SLIT3: variants seen among roughly 807,000 people sequenced by gnomAD.
SLIT3 encodes the protein slit homolog 3 protein.
In SLIT3, 68 loss-of-function variants were observed where a neutral mutation model predicts 184.0. The observed-to-expected ratio is 0.37, with a 90% CI of 0.30 to 0.45. SLIT3 has a LOEUF of 0.45. Ranked by LOEUF, SLIT3 falls within the 20% of genes least tolerant of loss-of-function variation. The probability of loss-of-function intolerance (pLI) is 1.00; values close to 1 mark genes in which losing one functional copy is unlikely to be tolerated. For missense variants in SLIT3, 1,707 were observed against 2,026.0 expected (o/e 0.84, Z 3.02); for synonymous variants, 831 against 828.6 (o/e 1.00, Z -0.05).
At chr5:169,166,449 G>C (rs771958561) in intron 4 of SLIT3, among the ~76,000 whole-genome samples, 1 of 152,146 alleles carries the variant, frequency 6.6e-6, no homozygotes, top group Non-Finnish European at 1.5e-5. Context: ...GAAACAGCGA[G>C]AGTCCCAGAG....
chr5:168,666,615 A>G lies in SLIT3; in HGVS notation c.4411T>C (p.Ser1471Pro). Residue 1471 changes from serine (S) to proline (P), a missense_variant, in exon 36 of 36, where the codon TCC becomes CCC. Transcript: ENST00000519560. ...QKGYASCATA[S>P]KVPIMECRGG... ...CGACATTCCATGATGGGCACCTTGG[A>G]GGCTGTGGCACATGATGCATAACCT... 6.2e-7 allele frequency: 1 copy of G among 1,614,152 alleles called. No individual in the cohort carries two copies. The highest frequency in any genetic ancestry group is 8.5e-7 in the Non-Finnish European group (1 of 1,180,018).
intron 1 of SLIT3, among the ~76,000 whole-genome samples, chr5:169,269,306 C>T (rs10462983): frequency 0.065 from 9,870 of 152,346 alleles, 531 homozygotes; most frequent in Admixed American, 0.18. Context: ...TCCACGCAAC[C>T]GGCCTTGGCC....
At chr5:169,156,246 A>G (rs552077558) in intron 4 of SLIT3, among the ~76,000 whole-genome samples, 1 of 152,298 alleles carries the variant, frequency 6.6e-6, no homozygotes, top group East Asian at 1.9e-4. Context: ...TGAGAAATCA[A>G]TACAGTGGAG....
At chr5:169,089,415 G>C (rs560853014) in intron 4 of SLIT3, among the ~76,000 whole-genome samples, 1 of 152,184 alleles carries the variant, frequency 6.6e-6, no homozygotes, top group Non-Finnish European at 1.5e-5. Flanking sequence ...TCCAAGGCAG[G>C]GTTAGCAGGG....
At chr5:169,006,603 T>TCA (rs1440403006) in intron 4 of SLIT3, among the ~76,000 whole-genome samples, 208 of 148,642 alleles carry the variant, frequency 1.4e-3, no homozygotes, top group Middle Eastern at 3.4e-3. Flanking sequence ...TCTCTCTCTC[T>TCA]CTCACACACA....
intron 4 of SLIT3, among the ~76,000 whole-genome samples, chr5:168,967,243 A>G (rs1763229843): frequency 6.6e-6 from 1 of 151,974 alleles, no homozygotes; most frequent in African/African-American, 2.4e-5. Flanking sequence ...TGTGTATATA[A>G]GAGAGACACA....
intron 20 of SLIT3, among the ~76,000 whole-genome samples, chr5:168,740,161 A>G (rs1444656705): frequency 6.6e-6 from 1 of 152,178 alleles, no homozygotes; most frequent in East Asian, 1.9e-4. Context: ...GCATGAGCAC[A>G]GGATTTGGGG....
At chr5:168,777,233 T>C (rs559155303) in intron 12 of SLIT3, among the ~76,000 whole-genome samples, 17 of 152,112 alleles carry the variant, frequency 1.1e-4, no homozygotes, top group Admixed American at 6.5e-4. Context: ...ATAGGACATA[T>C]GCTCTCTATT....
chr5:168,830,376 T>C (rs1046110964), intron 6 of SLIT3, among the ~76,000 whole-genome samples: 2 of 152,176 alleles, frequency 1.3e-5, no homozygotes, highest in Admixed American at 6.5e-5. Context: ...ACTGCTCTAA[T>C]GTGCCTGGGG....
intron 4 of SLIT3, among the ~76,000 whole-genome samples, chr5:168,954,114 G>C (rs1258891551): frequency 1.3e-5 from 2 of 152,116 alleles, no homozygotes; most frequent in African/African-American, 4.8e-5. Flanking sequence ...CAAGCGTCGG[G>C]AGGAAGGAGG....
Position 168,666,083 on chromosome 5 carries a change from T to G in SLIT3, c.*371A>C, listed in dbSNP as rs1761028744. ...CATCTTCCTCCTTCCTCAGACAGGC[T>G]ATCATTCTTTATTCTTATCCTTTTG... is the stretch of plus-strand genomic sequence containing the variant. On this transcript the variant is annotated 3_prime_UTR_variant, in exon 36 of 36. Transcript: ENST00000519560. 6.2e-6 allele frequency: 1 copy of G among 160,092 alleles called. No individual in the cohort carries two copies. The highest frequency in any genetic ancestry group is 1.4e-5 in the Non-Finnish European group (1 of 73,746). 9.9% of individuals were successfully genotyped at this position (160,092 alleles called of 1,614,324 possible). A position where few individuals can be genotyped will look rare whatever the true frequency, so the allele number is the denominator to read the frequency against.
intron 2 of SLIT3, among the ~76,000 whole-genome samples, chr5:169,246,948 AGGCTG>A: frequency 8.0e-6 from 1 of 124,748 alleles, no homozygotes; most frequent in Non-Finnish European, 1.6e-5. Context: ...AAAAAAAAAA[AGGCTG>A]GGCACAGTGG....
chr5:169,235,277 T>C (rs1374815847), intron 3 of SLIT3, among the ~76,000 whole-genome samples: 1 of 152,226 alleles, frequency 6.6e-6, no homozygotes. Context: ...GCAGTATTCA[T>C]CCATTTCTTT....
At chr5:168,904,369 A>C (rs1410875356) in intron 4 of SLIT3, among the ~76,000 whole-genome samples, 1 of 152,142 alleles carries the variant, frequency 6.6e-6, no homozygotes, top group Non-Finnish European at 1.5e-5. Flanking sequence ...CAGTCCTGAT[A>C]ATCAGTCTTT....
At chr5:169,228,273 T>C (rs540020291) in intron 3 of SLIT3, among the ~76,000 whole-genome samples, 4 of 152,190 alleles carry the variant, frequency 2.6e-5, no homozygotes, top group East Asian at 3.9e-4. Context: ...TGGAAGAATA[T>C]TGGGGAGAGA....
chr5:168,747,125 C>A (rs1277564174), intron 20 of SLIT3, among the ~76,000 whole-genome samples: 1 of 152,046 alleles, frequency 6.6e-6, no homozygotes, highest in African/African-American at 2.4e-5. Context: ...GCAACTTCAG[C>A]CAGAGCACTG....
rs865904196 is a variant in SLIT3 at position 169,027,602 on chromosome 5, C to T, written c.414-144266G>A. Among the ~76,000 whole-genome samples, 14 of 152,260 alleles carry T rather than the reference C, an allele frequency of 9.2e-5. No homozygotes were observed. In the South Asian group the frequency reaches 2.5e-3, roughly 27 times the overall value. ...TCTGATTCCTTTTCACTCAACTCTC[C>T]GCCGTGACCCATATGCCACTTTATT... On this transcript the variant is annotated intron_variant, in intron 4 of 35. Transcript: ENST00000519560.
At chr5:168,937,880 ATTTTT>A (rs75979002) in intron 4 of SLIT3, among the ~76,000 whole-genome samples, 4 of 147,032 alleles carry the variant, frequency 2.7e-5, no homozygotes, top group African/African-American at 9.8e-5. Flanking sequence ...ATCATTATGC[ATTTTT>A]TTTTTTTCCC....
chr5:168,706,900 C>T (rs965360370), intron 26 of SLIT3: 1 of 152,330 alleles, frequency 6.6e-6, no homozygotes, highest in Non-Finnish European at 1.5e-5. Flanking sequence ...CCAGCTCACT[C>T]TCACTCCACC....
Sources: allele counts gnomAD v4.1 joint callset (sites outside exome capture counted in the v4.1 genomes callset), GRCh38; gene constraint gnomAD v4.1.1; transcripts MANE v1.5; gene names NCBI Gene and HGNC (gene_info 2026-07-23, HGNC 2026-07-21).